The following SPAG16 variants were observed in gnomAD, a reference collection of about 807,000 sequenced individuals.
The protein encoded by SPAG16 is sperm-associated antigen 16 protein.
SPAG16 carries 86 observed loss-of-function variants against 80.4 expected under a neutral mutation model. The observed-to-expected ratio is 1.07, with a 90% CI of 0.90 to 1.28. The LOEUF (loss-of-function observed/expected upper bound fraction) is 1.28, where lower values mean the gene tolerates loss of function less well. Ranked by LOEUF, SPAG16 falls within the 50% of genes most tolerant of loss-of-function variation. The pLI is 0.00. For synonymous variants in SPAG16, 294 were observed against 265.9 expected, an observed-to-expected ratio of 1.11 and a Z score of -1.03; for missense variants, 870 against 765.3, an observed-to-expected ratio of 1.14 and a Z score of -1.61.
intron 10 of SPAG16, among the ~76,000 whole-genome samples, chr2:213,545,045 T>C (rs761936242): frequency 6.6e-6 from 1 of 152,094 alleles, no homozygotes; most frequent in Non-Finnish European, 1.5e-5. Flanking sequence ...GATTGTATGG[T>C]AAGAAATTAC....
At chr2:213,575,587 A>G (rs1212554015) in intron 10 of SPAG16, among the ~76,000 whole-genome samples, 2 of 152,128 alleles carry the variant, frequency 1.3e-5, no homozygotes, top group Non-Finnish European at 2.9e-5. Flanking sequence ...CTGTAAGTTC[A>G]GGTTGTTTAA....
chr2:213,593,828 G>T (rs2060793772), intron 10 of SPAG16, among the ~76,000 whole-genome samples: 1 of 127,980 alleles, frequency 7.8e-6, no homozygotes, highest in South Asian at 2.5e-4. Context: ...AGGCTGGAGT[G>T]CAGTGTAGAG....
intron 5 of SPAG16, among the ~76,000 whole-genome samples, chr2:213,332,219 T>C (rs1575227600): frequency 6.6e-6 from 1 of 152,128 alleles, no homozygotes; most frequent in Non-Finnish European, 1.5e-5. Flanking sequence ...ACAACTGGGA[T>C]TGCAGAATTT....
At chr2:214,261,667 CAG>C (rs1288276263) in intron 15 of SPAG16, among the ~76,000 whole-genome samples, 1 of 152,094 alleles carries the variant, frequency 6.6e-6, no homozygotes, top group Non-Finnish European at 1.5e-5. Flanking sequence ...TGTATTTTAA[CAG>C]AGTAATTTTT....
At chr2:213,858,773 G>A (rs940963921) in intron 10 of SPAG16, among the ~76,000 whole-genome samples, 6 of 152,150 alleles carry the variant, frequency 3.9e-5, no homozygotes, top group Non-Finnish European at 8.8e-5. Flanking sequence ...CAGAATGGTC[G>A]AAGGTGAGCC....
At chr2:213,702,382 C>A (rs967023427) in intron 10 of SPAG16, among the ~76,000 whole-genome samples, 2 of 152,222 alleles carry the variant, frequency 1.3e-5, no homozygotes, top group Non-Finnish European at 2.9e-5. Flanking sequence ...CTTGCTGCTG[C>A]TGTTTGGGTC....
Position 214,286,509 on chromosome 2 carries a change from G to C in SPAG16, c.1721-123631G>C, listed in dbSNP as rs114302794. The stretch of plus-strand genomic sequence containing the variant: ...CACCTATAATCCCGGCACTTTGTGA[G>C]GCTAAGGTGGGCATATCACTTGAAG... On this transcript the variant is annotated intron_variant, in intron 15 of 15. Coordinates refer to ENST00000331683, the MANE Select transcript of SPAG16 (RefSeq NM_024532.5). 5.0e-3 allele frequency among the ~76,000 whole-genome samples: 762 copies of C among 152,296 alleles called. 5 individuals are homozygous for C. The highest frequency in any genetic ancestry group is 0.017 in the African/African-American group (721 of 41,546).
chr2:213,411,983 G>T (rs1187685522), intron 9 of SPAG16, among the ~76,000 whole-genome samples: 1 of 152,050 alleles, frequency 6.6e-6, no homozygotes, highest in Non-Finnish European at 1.5e-5. Context: ...TCTTTTCAAA[G>T]AATTAATATG....
At chr2:213,893,251 CCAGA>C (rs1400373383) in intron 11 of SPAG16, among the ~76,000 whole-genome samples, 16 of 151,954 alleles carry the variant, frequency 1.1e-4, no homozygotes, top group Non-Finnish European at 2.1e-4. Context: ...AAATTCTTTC[CCAGA>C]CAAACAAGAG....
chr2:214,149,741 C>T (rs2055883988), intron 15 of SPAG16, among the ~76,000 whole-genome samples: 3 of 151,976 alleles, frequency 2.0e-5, no homozygotes, highest in Admixed American at 2.0e-4. Flanking sequence ...AAACATTTAT[C>T]TTATTGTTGC....
chr2:213,385,791 T>TA, intron 9 of SPAG16, among the ~76,000 whole-genome samples: 1 of 33,930 alleles, frequency 2.9e-5, no homozygotes, highest in Non-Finnish European at 8.7e-5. Flanking sequence ...TTCATCTCTG[T>TA]CCACACACAC....
intron 14 of SPAG16, among the ~76,000 whole-genome samples, chr2:214,141,006 A>G (rs1374938362): frequency 6.6e-6 from 1 of 151,384 alleles, no homozygotes. Context: ...GTATTGCCAT[A>G]ACAATAACTT....
intron 13 of SPAG16, among the ~76,000 whole-genome samples, chr2:214,067,987 T>C (rs1398947498): frequency 2.0e-5 from 3 of 152,182 alleles, no homozygotes; most frequent in Non-Finnish European, 4.4e-5. Context: ...AAAATATTTT[T>C]TTTTGGAAAG....
chr2:213,666,467 T>C (rs1180556735), intron 10 of SPAG16, among the ~76,000 whole-genome samples: 1 of 152,180 alleles, frequency 6.6e-6, no homozygotes, highest in East Asian at 1.9e-4. Flanking sequence ...CTTAGTCTTA[T>C]AAAACCTAGG....
At chr2:213,977,062 A>G (rs1054352650) in intron 12 of SPAG16, among the ~76,000 whole-genome samples, 1 of 152,084 alleles carries the variant, frequency 6.6e-6, no homozygotes, top group Admixed American at 6.6e-5. Flanking sequence ...TTACTCTCAA[A>G]GTGATATGCC....
At chr2:213,803,479 C>CT (rs1447436181) in intron 10 of SPAG16, among the ~76,000 whole-genome samples, 1 of 152,174 alleles carries the variant, frequency 6.6e-6, no homozygotes, top group Non-Finnish European at 1.5e-5. Flanking sequence ...CATTGTCTTT[C>CT]TGTCTCTTCT....
At chr2:214,034,609 G>T (rs562848550) in intron 13 of SPAG16, among the ~76,000 whole-genome samples, 1 of 152,242 alleles carries the variant, frequency 6.6e-6, no homozygotes, top group Non-Finnish European at 1.5e-5. Context: ...TGGCTGCAGC[G>T]GGGTGGGCAG....
chr2:213,738,099 T>C (rs965671286), intron 10 of SPAG16, among the ~76,000 whole-genome samples: 3 of 152,210 alleles, frequency 2.0e-5, no homozygotes, highest in Non-Finnish European at 4.4e-5. Context: ...TGCCTTACAG[T>C]GCAAGATAAT....
intron 9 of SPAG16, among the ~76,000 whole-genome samples, chr2:213,486,491 C>A (rs1015444132): frequency 2.0e-5 from 3 of 151,928 alleles, no homozygotes; most frequent in Non-Finnish European, 2.9e-5. Flanking sequence ...GAATATTATT[C>A]GGCCATAAAA....
Sources: allele counts gnomAD v4.1 joint callset (sites outside exome capture counted in the v4.1 genomes callset), GRCh38; gene constraint gnomAD v4.1.1; transcripts MANE v1.5; gene names NCBI Gene and HGNC (gene_info 2026-07-23, HGNC 2026-07-21).